Variants in DESI1 observed in about 807,000 individuals in gnomAD.
DESI1 encodes desumoylating isopeptidase 1.
Under a neutral mutation model 22.4 loss-of-function variants are expected in DESI1, and 17 were observed. The observed-to-expected ratio is 0.76, with a 90% CI of 0.52 to 1.14. DESI1 has a LOEUF of 1.14. DESI1 is among the 50% of genes most tolerant of loss of function. The pLI is 0.00. For missense variants in DESI1, 177 were observed against 208.9 expected, an observed-to-expected ratio of 0.85 and a Z score of 0.94; for synonymous variants, 92 against 84.2, an observed-to-expected ratio of 1.09 and a Z score of -0.51.
chr22:41,617,651 T>C (rs1403578635), intron 1 of DESI1, among the ~76,000 whole-genome samples: 1 of 152,202 alleles, frequency 6.6e-6, no homozygotes, highest in East Asian at 1.9e-4. Flanking sequence ...TCTTCATTAA[T>C]TTTGCAAAAG....
At chr22:41,608,544 A>C (rs1043897886) in intron 1 of DESI1, among the ~76,000 whole-genome samples, 15 of 152,218 alleles carry the variant, frequency 9.9e-5, no homozygotes, top group African/African-American at 3.4e-4. Context: ...GGAGAGAACA[A>C]GATGTGCACA....
intron 1 of DESI1, among the ~76,000 whole-genome samples, chr22:41,617,047 A>G (rs571628945): frequency 6.6e-6 from 1 of 152,350 alleles, no homozygotes; most frequent in East Asian, 1.9e-4. Context: ...GCACATACAC[A>G]TTGAACCCAG....
chr22:41,616,770 A>G (rs1283893533), intron 1 of DESI1, among the ~76,000 whole-genome samples: 1 of 152,236 alleles, frequency 6.6e-6, no homozygotes, highest in African/African-American at 2.4e-5. Flanking sequence ...ATGAAAAGCT[A>G]TAGAACAGTA....
At position 41,601,066 on chromosome 22, in the gene DESI1, T is replaced by G; in HGVS notation, c.*31A>C. On this transcript the variant is annotated 3_prime_UTR_variant, in exon 6 of 6. Coordinates refer to ENST00000263256, the MANE Select transcript of DESI1 (RefSeq NM_015704.3). Reference sequence around the variant, plus strand: ...TGTTTTGTTTAAAAAGGAAAAGCCCTGGTGAGGCAGGGCGGTCCCAGGCAG... The same window carrying G: ...TGTTTTGTTTAAAAAGGAAAAGCCCGGGTGAGGCAGGGCGGTCCCAGGCAG... 1 of 1,589,568 alleles carries G rather than the reference T, an allele frequency of 6.3e-7. No individual in the cohort carries two copies. Among genetic ancestry groups the G allele is most frequent in the Non-Finnish European group, 8.6e-7 (1 of 1,160,336 alleles).
chr22:41,606,643 A>G (rs1306257483), intron 3 of DESI1, among the ~76,000 whole-genome samples: 1 of 151,808 alleles, frequency 6.6e-6, no homozygotes, highest in Non-Finnish European at 1.5e-5. Flanking sequence ...GTGTAGTGGC[A>G]GGCACCTGTA....
chr22:41,605,164 GTAA>G (rs2067471843), intron 3 of DESI1, among the ~76,000 whole-genome samples: 1 of 152,186 alleles, frequency 6.6e-6, no homozygotes, highest in African/African-American at 2.4e-5. Flanking sequence ...GATATCCCGT[GTAA>G]TAATGGAAAA....
intron 1 of DESI1, among the ~76,000 whole-genome samples, chr22:41,620,468 G>A (rs1305047117): frequency 6.6e-6 from 1 of 152,144 alleles, no homozygotes. Context: ...CCTCGTCGAA[G>A]GGGCTCTCGA....
At chr22:41,618,651 A>G (rs1337701435) in intron 1 of DESI1, among the ~76,000 whole-genome samples, 1 of 151,240 alleles carries the variant, frequency 6.6e-6, no homozygotes, top group African/African-American at 2.4e-5. Context: ...AGGTAATAGG[A>G]TAAAAAATAC....
At chr22:41,614,611 G>T (rs2147048566) in intron 1 of DESI1, among the ~76,000 whole-genome samples, 1 of 9,216 alleles carries the variant, frequency 1.1e-4, no homozygotes, top group African/African-American at 2.1e-3. Context: ...TTGAGATGGA[G>T]TCTCACTCTA....
intron 5 of DESI1, chr22:41,602,943 G>T: frequency 3.5e-6 from 2 of 577,314 alleles, no homozygotes; most frequent in South Asian, 2.9e-5. Flanking sequence ...GTGCTTCTGG[G>T]GAGTGGCATG....
Position 41,620,841 on chromosome 22 carries a change from G to A in DESI1, c.-2C>T, listed in dbSNP as rs2067588442. 1.2e-6 allele frequency: 2 copies of A among 1,605,992 alleles called. No individual in the cohort carries two copies. The highest frequency in any genetic ancestry group is 2.2e-5 in the South Asian group (2 of 90,120). ...CGGATAGAGATTCGGCGGCTCCATT[G>A]GGACCCGTGGCGACGGCGGCCACGA... On this transcript the variant is annotated 5_prime_UTR_variant, in exon 1 of 6. Transcript: ENST00000263256.
chr22:41,602,285 A>C (rs2067453540), intron 5 of DESI1: 4 of 985,410 alleles, frequency 4.1e-6, no homozygotes, highest in Non-Finnish European at 4.8e-6. Flanking sequence ...CACCCATAAA[A>C]TAATAACAGC....
At chr22:41,609,582 C>G (rs148453698) in intron 1 of DESI1, among the ~76,000 whole-genome samples, 2,097 of 146,998 alleles carry the variant, frequency 0.014, 48 homozygotes, top group African/African-American at 0.05. Context: ...TTACTTGAAG[C>G]CAGGAGTTCA....
In DESI1 at chr22:41,620,931, G is replaced by T; in HGVS notation, c.-92C>A. 7.0e-7 allele frequency: 1 copy of T among 1,431,116 alleles called. No individual in the cohort carries two copies. The highest frequency in any genetic ancestry group is 9.6e-7 in the Non-Finnish European group (1 of 1,046,804). 88.7% of individuals were successfully genotyped at this position (1,431,116 alleles called of 1,614,324 possible). ...ACCCGACGGGAGTGCGAAGCGGAGGGAGAGGGGGGGACCGAGCCCGGGCCC... is the reference window on the plus strand; with the variant it reads ...ACCCGACGGGAGTGCGAAGCGGAGGTAGAGGGGGGGACCGAGCCCGGGCCC... On this transcript the variant is annotated 5_prime_UTR_variant, in exon 1 of 6. Coordinates refer to ENST00000263256, the MANE Select transcript of DESI1 (RefSeq NM_015704.3).
intron 1 of DESI1, among the ~76,000 whole-genome samples, chr22:41,615,227 A>G (rs2147049085): frequency 6.7e-6 from 1 of 149,258 alleles, no homozygotes; most frequent in South Asian, 2.1e-4. Context: ...CAGGAGATCG[A>G]GACCATCCCG....
At chr22:41,606,739 A>G (rs958767750) in intron 3 of DESI1, among the ~76,000 whole-genome samples, 1 of 130,534 alleles carries the variant, frequency 7.7e-6, no homozygotes, top group South Asian at 2.5e-4. Flanking sequence ...GCACCACTGC[A>G]CTTCAGTCTG....
chr22:41,598,298 C>A lies in DESI1; in HGVS notation c.*2799G>T. 1 of 152,392 alleles carries A rather than the reference C, an allele frequency of 6.6e-6. No individual in the cohort carries two copies. Among genetic ancestry groups the A allele is most frequent in the Non-Finnish European group, 1.5e-5 (1 of 68,194 alleles). 9.4% of individuals were successfully genotyped at this position (152,392 alleles called of 1,614,324 possible). On this transcript the variant is annotated 3_prime_UTR_variant, in exon 6 of 6. Transcript: ENST00000263256. ...TTCACATCCAGGCGGAGTTAGCCGG[C>A]CACAATGAGAATGCTCCTGAGGTGC...
In DESI1 at chr22:41,604,027, C is replaced by T. The variant is rs763361504; in HGVS notation, c.290+17G>A. 16 of 1,603,054 alleles carry T rather than the reference C, an allele frequency of 1.0e-5. No homozygotes were observed. In the South Asian group the frequency reaches 1.3e-4, roughly 13 times the overall value. ...GGGAGACAGACACAACTAACCACCA[C>T]CCCTGTCTCCACTCACCGGAACAGG... On this transcript the variant is annotated intron_variant, in intron 4 of 5. Coordinates refer to ENST00000263256, the MANE Select transcript of DESI1 (RefSeq NM_015704.3).
Position 41,600,868 on chromosome 22 carries a change from A to G in DESI1, c.*229T>C. On this transcript the variant is annotated 3_prime_UTR_variant, in exon 6 of 6. Coordinates refer to ENST00000263256, the MANE Select transcript of DESI1 (RefSeq NM_015704.3). ...AGCATCCGAAGTGAACGCACAGACA[A>G]GACAGCCTTAATAAATTAGTATAAT... The G allele has an allele frequency of 2.0e-6, 1 of 500,780 alleles. No individual in the cohort carries two copies. Among genetic ancestry groups the G allele is most frequent in the Non-Finnish European group, 3.6e-6 (1 of 278,108 alleles). 31.0% of individuals were successfully genotyped at this position (500,780 alleles called of 1,614,324 possible).
Sources: gnomAD v4.1 joint callset for allele counts (sites outside exome capture counted in the v4.1 genomes callset) on GRCh38, gnomAD v4.1.1 for gene constraint, MANE v1.5 for transcripts, NCBI Gene and HGNC (gene_info 2026-07-23, HGNC 2026-07-21) for gene names.